The following MAGI2 variants were observed in gnomAD, a reference collection of about 807,000 sequenced individuals.
MAGI2 encodes membrane associated guanylate kinase, WW and PDZ domain containing 2, also known as membrane-associated guanylate kinase, WW and PDZ domain-containing protein 2.
In MAGI2, 35 loss-of-function variants were observed where a neutral mutation model predicts 133.3. The ratio of observed to expected loss-of-function variants is 0.26; its 90% CI spans 0.20 to 0.35. The LOEUF (loss-of-function observed/expected upper bound fraction) is 0.35. MAGI2 is among the 10% of genes least tolerant of loss of function. The probability of loss-of-function intolerance (pLI) is 1.00; values close to 1 mark genes in which losing one functional copy is unlikely to be tolerated. For missense variants in MAGI2, 1,636 were observed against 1,863.4 expected, an observed-to-expected ratio of 0.88 and a Z score of 2.25; for synonymous variants, 729 against 710.6, an observed-to-expected ratio of 1.03 and a Z score of -0.41.
At chr7:78,484,451 T>G (rs1271191238) in intron 6 of MAGI2, 2 of 151,976 alleles carry the variant, frequency 1.3e-5, no homozygotes, top group African/African-American at 4.8e-5. Context: ...GAAAACTCAC[T>G]TAAAATTCAT....
chr7:78,139,692 C>T (rs1032975570), intron 16 of MAGI2, among the ~76,000 whole-genome samples: 1 of 152,176 alleles, frequency 6.6e-6, no homozygotes, highest in African/African-American at 2.4e-5. Context: ...TTAGGATACA[C>T]AGATATTTGG....
At chr7:79,421,336 C>T (rs937464098) in intron 1 of MAGI2, among the ~76,000 whole-genome samples, 1 of 151,832 alleles carries the variant, frequency 6.6e-6, no homozygotes, top group Non-Finnish European at 1.5e-5. Context: ...AGTGTTACTG[C>T]TATTATTAAT....
intron 2 of MAGI2, among the ~76,000 whole-genome samples, chr7:78,794,232 G>A (rs1360342708): frequency 6.6e-6 from 1 of 152,162 alleles, no homozygotes; most frequent in Non-Finnish European, 1.5e-5. Flanking sequence ...GCACTGCCTG[G>A]TTAATCCTGA....
intron 6 of MAGI2, among the ~76,000 whole-genome samples, chr7:78,471,000 C>A (rs1791144181): frequency 6.6e-6 from 1 of 152,110 alleles, no homozygotes; most frequent in Admixed American, 6.6e-5. Context: ...CTTCACAAGT[C>A]CACACATATC....
intron 7 of MAGI2, among the ~76,000 whole-genome samples, chr7:78,368,937 T>C (rs975119643): frequency 2.0e-5 from 3 of 152,062 alleles, no homozygotes; most frequent in South Asian, 2.1e-4. Flanking sequence ...ACTTTTTCAA[T>C]TGGTGTTTTA....
At chr7:78,544,837 AAAAAAT>A (rs902810161) in intron 3 of MAGI2, among the ~76,000 whole-genome samples, 2 of 152,106 alleles carry the variant, frequency 1.3e-5, no homozygotes, top group African/African-American at 4.8e-5. Flanking sequence ...TCCATCTCAA[AAAAAAT>A]AAAAATAAAA....
chr7:78,618,247 G>A (rs1807322312), intron 3 of MAGI2: 1 of 151,854 alleles, frequency 6.6e-6, no homozygotes. Context: ...AGTTAAAAAC[G>A]GTTGGAATCA....
At chr7:78,269,173 T>G (rs1794317841) in intron 9 of MAGI2, among the ~76,000 whole-genome samples, 2 of 152,222 alleles carry the variant, frequency 1.3e-5, no homozygotes, top group South Asian at 4.1e-4. Flanking sequence ...ATTTTCTTTA[T>G]CCAGTCTATC....
In MAGI2 at chr7:79,222,359, C is replaced by T. The variant is rs576945978; in HGVS notation, c.302-215153G>A. Among the ~76,000 whole-genome samples, 10 of 151,534 alleles carry T rather than the reference C, an allele frequency of 6.6e-5. No homozygotes were observed. The South Asian group carries it at 2.1e-3, about 32-fold the overall frequency. On this transcript the variant is annotated intron_variant, in intron 1 of 21. Transcript: ENST00000354212. The stretch of plus-strand genomic sequence containing the variant: ...AGTTCAGAATTGTTTTCAAATGAAG[C>T]AATATTATATTATTTATACACTTTG...
At position 78,892,888 on chromosome 7, in the gene MAGI2, T is replaced by C. The variant is rs528538306; in HGVS notation, c.418+114202A>G. ...GCCAAAATTGACAAATGGGATCTAA[T>C]TAAACTAAACAGCTTCTGCACAGCA... On this transcript the variant is annotated intron_variant, in intron 2 of 21. Transcript: ENST00000354212. Among the ~76,000 whole-genome samples, 534 of 152,176 alleles carry C rather than the reference T, an allele frequency of 3.5e-3. 3 individuals are homozygous for C. The highest frequency in any genetic ancestry group is 5.0e-3 in the Non-Finnish European group (342 of 67,990).
intron 10 of MAGI2, chr7:78,255,012 T>C (rs1211910556): frequency 6.6e-6 from 1 of 152,272 alleles, no homozygotes; most frequent in Middle Eastern, 3.2e-3. Flanking sequence ...AGTCCACAAA[T>C]TGGCAAATGG....
At chr7:78,200,505 T>C (rs1040591011) in intron 11 of MAGI2, among the ~76,000 whole-genome samples, 1 of 152,184 alleles carries the variant, frequency 6.6e-6, no homozygotes, top group Non-Finnish European at 1.5e-5. Flanking sequence ...AGCACCATTT[T>C]GAGTGCTTGT....
At chr7:79,234,901 T>C (rs900401314) in intron 1 of MAGI2, among the ~76,000 whole-genome samples, 8 of 152,182 alleles carry the variant, frequency 5.3e-5, no homozygotes, top group Non-Finnish European at 8.8e-5. Context: ...TTTTCTGTTC[T>C]GTTTTTTCCC....
At chr7:78,520,418 A>G (rs960155103) in intron 4 of MAGI2, among the ~76,000 whole-genome samples, 2 of 152,198 alleles carry the variant, frequency 1.3e-5, no homozygotes, top group African/African-American at 4.8e-5. Flanking sequence ...CTATGTTAGT[A>G]GAGAAACAGC....
At chr7:79,387,439 T>G (rs1224409686) in intron 1 of MAGI2, among the ~76,000 whole-genome samples, 1 of 152,046 alleles carries the variant, frequency 6.6e-6, no homozygotes, top group African/African-American at 2.4e-5. Context: ...TTCTAAAAAA[T>G]CAACACTACC....
At chr7:78,667,366 T>C (rs1174514317) in intron 2 of MAGI2, among the ~76,000 whole-genome samples, 2 of 150,144 alleles carry the variant, frequency 1.3e-5, no homozygotes, top group African/African-American at 2.5e-5. Flanking sequence ...TTTTTTGAGA[T>C]TCTTTTTTTT....
At chr7:79,240,210 G>A (rs1266738044) in intron 1 of MAGI2, among the ~76,000 whole-genome samples, 1 of 152,114 alleles carries the variant, frequency 6.6e-6, no homozygotes, top group Admixed American at 6.6e-5. Context: ...AGGTCTTAAA[G>A]GATGAGCAGG....
chr7:78,517,392 G>A (rs1425962519), intron 4 of MAGI2, among the ~76,000 whole-genome samples: 1 of 152,088 alleles, frequency 6.6e-6, no homozygotes, highest in Non-Finnish European at 1.5e-5. Flanking sequence ...TCTTTGGCAT[G>A]GTTAACAGTT....
At chr7:78,419,003 A>G (rs1442717857) in intron 6 of MAGI2, among the ~76,000 whole-genome samples, 1 of 152,172 alleles carries the variant, frequency 6.6e-6, no homozygotes, top group African/African-American at 2.4e-5. Flanking sequence ...AATTGCCTGG[A>G]AATTAGGAAG....
Sources: allele counts gnomAD v4.1 joint callset (sites outside exome capture counted in the v4.1 genomes callset), GRCh38; gene constraint gnomAD v4.1.1; transcripts MANE v1.5; gene names NCBI Gene and HGNC (gene_info 2026-07-23, HGNC 2026-07-21).